Variants in NPR2 observed in about 807,000 individuals in gnomAD.
NPR2 encodes the protein natriuretic peptide receptor 2.
In NPR2, 49 loss-of-function variants were observed where a neutral mutation model predicts 120.7. That is an observed-to-expected ratio of 0.41 (90% CI 0.32 to 0.52). NPR2 has a LOEUF of 0.52. Ranked by LOEUF, NPR2 falls within the 20% of genes least tolerant of loss-of-function variation. NPR2 has a pLI of 0.36. For synonymous variants in NPR2, 484 were observed against 519.8 expected, an observed-to-expected ratio of 0.93 and a Z score of 0.94; for missense variants, 931 against 1,362.9, an observed-to-expected ratio of 0.68 and a Z score of 4.99.
At chr9:35,798,572 G>A (rs1828019758) in intron 2 of NPR2, among the ~76,000 whole-genome samples, 1 of 152,212 alleles carries the variant, frequency 6.6e-6, no homozygotes, top group African/African-American at 2.4e-5. Context: ...TGGTCCACAT[G>A]TACTTTCTAT....
rs752258897 is a variant in NPR2 at position 35,801,917 on chromosome 9, T to G, written c.1558-9T>G. ...CATCCTTCCGCCTCCATGTTGCCCT[T>G]GGCCCCAGCGGGGATCCAGTTACGG... On this transcript the variant is annotated splice_polypyrimidine_tract_variant and intron_variant, in intron 8 of 21. Transcript: ENST00000342694. 1 of 1,614,068 alleles carries G rather than the reference T, an allele frequency of 6.2e-7. No homozygotes were observed. The highest frequency in any genetic ancestry group is 2.2e-5 in the East Asian group (1 of 44,890).
chr9:35,804,472 A>G (rs1828290161), intron 12 of NPR2, among the ~76,000 whole-genome samples: 1 of 152,118 alleles, frequency 6.6e-6, no homozygotes, highest in African/African-American at 2.4e-5. Context: ...GGCTCAAGCA[A>G]TCTGCCAGCC....
chr9:35,795,695 A>G (rs547548221), intron 2 of NPR2, among the ~76,000 whole-genome samples: 1 of 152,350 alleles, frequency 6.6e-6, no homozygotes, highest in South Asian at 2.1e-4. Flanking sequence ...TCCTAAAACA[A>G]TCTTCTCACC....
chr9:35,799,223 G>A (rs535573166), intron 2 of NPR2, among the ~76,000 whole-genome samples: 45 of 152,268 alleles, frequency 3.0e-4, no homozygotes, highest in African/African-American at 9.4e-4. Context: ...TACCCAGAAA[G>A]CATGGGACAG....
Position 35,799,916 on chromosome 9 carries a change from G to A in NPR2, c.988-106G>A, listed in dbSNP as rs1222589862. 1.9e-6 allele frequency: 3 copies of A among 1,554,606 alleles called. No individual in the cohort carries two copies. The African/African-American group carries it at 4.1e-5, about 21-fold the overall frequency. On this transcript the variant is annotated intron_variant, in intron 3 of 21. Coordinates refer to ENST00000342694, the MANE Select transcript of NPR2 (RefSeq NM_003995.4). ...GGGATGGCACTTTAGGAATAAGAGG[G>A]AAGAAAGCAAACCAGAAGAGAGAAT... is the stretch of plus-strand genomic sequence containing the variant.
rs1588076060 is a variant in NPR2 at position 35,809,601 on chromosome 9, G to A, written c.*156G>A. 1.4e-5 allele frequency: 18 copies of A among 1,268,510 alleles called. No individual in the cohort carries two copies. The highest frequency in any genetic ancestry group is 2.0e-5 in the Non-Finnish European group (17 of 871,360). The allele number at this position is 1,268,510 out of a possible 1,614,324, so 78.6% of individuals were successfully genotyped here. On this transcript the variant is annotated 3_prime_UTR_variant, in exon 22 of 22. Coordinates refer to ENST00000342694, the MANE Select transcript of NPR2 (RefSeq NM_003995.4). This position sits in a 1 kb window ranked among gnomAD's most constrained non-coding sequence, Gnocchi z 4.1. ...TATATGGAAGTTGTAGCCCTCTGCA[G>A]CTCAGCCCTGTACATATACCTGTCC...
chr9:35,800,255 G>C lies in NPR2; in HGVS notation c.1123+98G>C. On this transcript the variant is annotated intron_variant, in intron 4 of 21. Transcript: ENST00000342694. The surrounding 1 kb of genome is among the most constrained non-coding windows in gnomAD (Gnocchi z 4.7). ...TCAGGATCACCACAGCTTTAGTGGG[G>C]GTTAGTGAATATGGCAGAGTTGCCC... The C allele has an allele frequency of 2.1e-6, 3 of 1,422,668 alleles. No individual in the cohort carries two copies. The highest frequency in any genetic ancestry group is 3.0e-6 in the Non-Finnish European group (3 of 1,005,612). The allele number at this position is 1,422,668 out of a possible 1,614,324, so 88.1% of individuals were successfully genotyped here.
At chr9:35,798,888 T>A (rs1189427983) in intron 2 of NPR2, among the ~76,000 whole-genome samples, 3 of 152,220 alleles carry the variant, frequency 2.0e-5, no homozygotes, top group Non-Finnish European at 4.4e-5. Flanking sequence ...CATGTGTCAT[T>A]TGCTTACCTG....
At position 35,792,282 on chromosome 9, in the gene NPR2, C is replaced by T; in HGVS notation, c.-127C>T. The T allele has an allele frequency of 1.0e-6, 1 of 1,003,886 alleles. No individual in the cohort carries two copies. The highest frequency in any genetic ancestry group is 2.6e-5 in the East Asian group (1 of 38,080). 62.2% of individuals were successfully genotyped at this position (1,003,886 alleles called of 1,614,324 possible). A position where few individuals can be genotyped will look rare whatever the true frequency, so the allele number is the denominator to read the frequency against. ...CCCCCAGCACCTTCTGCATCCCAGCCTACCTAGCCTACTCCTCCTCTTCCT... is the reference window on the plus strand; with the variant it reads ...CCCCCAGCACCTTCTGCATCCCAGCTTACCTAGCCTACTCCTCCTCTTCCT... On this transcript the variant is annotated 5_prime_UTR_variant, in exon 1 of 22. Transcript: ENST00000342694.
At chr9:35,798,958 A>G (rs1828032361) in intron 2 of NPR2, among the ~76,000 whole-genome samples, 1 of 152,230 alleles carries the variant, frequency 6.6e-6, no homozygotes. Context: ...ATTACTCAGT[A>G]AGCAGGACAG....
chr9:35,802,158 A>G lies in NPR2; in HGVS notation c.1633-48A>G. On this transcript the variant is annotated intron_variant, in intron 9 of 21. Transcript: ENST00000342694. This position sits in a 1 kb window ranked among gnomAD's most constrained non-coding sequence, Gnocchi z 4.2. The stretch of plus-strand genomic sequence containing the variant: ...TGCTCTCTAGCATTTCCTTGTACCC[A>G]GAACTTCTGATATTCACTTTCCTTT... The G allele has an allele frequency of 7.3e-7, 1 of 1,377,868 alleles. No homozygotes were observed. Among genetic ancestry groups the G allele is most frequent in the Non-Finnish European group, 1.0e-6 (1 of 964,682 alleles). 85.4% of individuals were successfully genotyped at this position (1,377,868 alleles called of 1,614,324 possible).
rs1477695310 is a variant in NPR2 at position 35,793,086 on chromosome 9, C to A, written c.667+11C>A. The A allele has an allele frequency of 1.3e-6, 2 of 1,582,168 alleles. No homozygotes were observed. The highest frequency in any genetic ancestry group is 1.7e-5 in the Admixed American group (1 of 58,870). Reference sequence around the variant, plus strand: ...GGGCCAACGGGCGCAGTGAGTGTGGCCTGGGCTATTTTAGGGTCATGGGAG... The same window carrying A: ...GGGCCAACGGGCGCAGTGAGTGTGGACTGGGCTATTTTAGGGTCATGGGAG... On this transcript the variant is annotated intron_variant, in intron 1 of 21. Coordinates refer to ENST00000342694, the MANE Select transcript of NPR2 (RefSeq NM_003995.4).
Position 35,802,369 on chromosome 9 carries a change from G to A in NPR2, c.1710+86G>A. ...ATAGTAAAATTGGCTAGATGGGCAA[G>A]GGGTTGATTTATAAATGATTTTAAA... On this transcript the variant is annotated intron_variant, in intron 10 of 21. Transcript: ENST00000342694. This position sits in a 1 kb window ranked among gnomAD's most constrained non-coding sequence, Gnocchi z 4.2. 2.0e-6 allele frequency: 2 copies of A among 994,370 alleles called. No homozygotes were observed. The highest frequency in any genetic ancestry group is 1.3e-5 in the South Asian group (1 of 78,264). The allele number at this position is 994,370 out of a possible 1,614,324, so 61.6% of individuals were successfully genotyped here.
At chr9:35,799,851 G>A in intron 3 of NPR2, 120 bp downstream of exon 3, 2 of 1,384,058 alleles carry the variant, frequency 1.4e-6, no homozygotes, top group South Asian at 2.3e-5. Context: ...CTCCGCTTCT[G>A]TCCAGGATTT....
At chr9:35,807,531 G>A (rs1223161646) in intron 18 of NPR2, 133 bp downstream of exon 18, 8 of 781,522 alleles carry the variant, frequency 1.0e-5, no homozygotes, top group African/African-American at 1.7e-5. Context: ...GCATCCTGGT[G>A]CTGGAGTGTA....
chr9:35,804,337 G>A (rs1404355127), intron 12 of NPR2, among the ~76,000 whole-genome samples: 1 of 151,734 alleles, frequency 6.6e-6, no homozygotes, highest in East Asian at 1.9e-4. Flanking sequence ...GGGCTCAAGT[G>A]ATTCTCCCAT....
chr9:35,801,912 G>T lies in NPR2; in HGVS notation c.1558-14G>T, dbSNP rs760695113. 1.9e-6 allele frequency: 3 copies of T among 1,613,774 alleles called. No homozygotes were observed. The highest frequency in any genetic ancestry group is 1.3e-5 in the African/African-American group (1 of 75,004). The stretch of plus-strand genomic sequence containing the variant: ...CCTTTCATCCTTCCGCCTCCATGTT[G>T]CCCTTGGCCCCAGCGGGGATCCAGT... On this transcript the variant is annotated splice_polypyrimidine_tract_variant and intron_variant, in intron 8 of 21. Coordinates refer to ENST00000342694, the MANE Select transcript of NPR2 (RefSeq NM_003995.4).
At chr9:35,801,323 C>T (rs187578806) in intron 7 of NPR2, among the ~76,000 whole-genome samples, 169 bp downstream of exon 7, 8 of 152,294 alleles carry the variant, frequency 5.3e-5, no homozygotes, top group African/African-American at 1.7e-4. Flanking sequence ...CTTTAGTTGT[C>T]GCTTAGCCTA....
chr9:35,808,154 C>T lies in NPR2; in HGVS notation c.2713-355C>T. Reference sequence around the variant, plus strand: ...AGTTTGGGCTGTCAGGTCCATTTCACTGGGCCTGCTTTACCTCCTCACCAG... The same window carrying T: ...AGTTTGGGCTGTCAGGTCCATTTCATTGGGCCTGCTTTACCTCCTCACCAG... On this transcript the variant is annotated intron_variant, in intron 18 of 21. Transcript: ENST00000342694. This position sits in a 1 kb window ranked among gnomAD's most constrained non-coding sequence, Gnocchi z 4.0. 2 of 1,587,220 alleles carry T rather than the reference C, an allele frequency of 1.3e-6. No individual in the cohort carries two copies. The highest frequency in any genetic ancestry group is 1.7e-6 in the Non-Finnish European group (2 of 1,155,606).
Sources: allele counts gnomAD v4.1 joint callset (sites outside exome capture counted in the v4.1 genomes callset), GRCh38; gene constraint gnomAD v4.1.1; non-coding constraint Gnocchi (gnomAD v3.1); transcripts MANE v1.5; gene names NCBI Gene and HGNC (gene_info 2026-07-23, HGNC 2026-07-21).